The following OIT3 variants were observed in gnomAD, a reference collection of about 807,000 sequenced individuals.
OIT3 encodes oncoprotein induced transcript 3.
Under a neutral mutation model 52.2 loss-of-function variants are expected in OIT3, and 41 were observed. That is an observed-to-expected ratio of 0.79 (90% CI 0.61 to 1.02). The LOEUF is 1.02. Among genes scored for constraint, OIT3 ranks in the 50% least tolerant of loss-of-function variants. OIT3 has a pLI of 0.00. For synonymous variants in OIT3, 244 were observed against 276.9 expected (o/e 0.88, Z 1.18); for missense variants, 634 against 715.5 (o/e 0.89, Z 1.30).
chr10:72,920,494 G>A (rs894911626), intron 6 of OIT3, among the ~76,000 whole-genome samples: 1 of 152,002 alleles, frequency 6.6e-6, no homozygotes, highest in Non-Finnish European at 1.5e-5. Context: ...GTTTGCTCTT[G>A]GTTCTCTAGT....
intron 6 of OIT3, chr10:72,918,045 TC>T: frequency 1.2e-6 from 1 of 860,314 alleles, no homozygotes; most frequent in Non-Finnish European, 2.0e-6. Flanking sequence ...ATCATCATCA[TC>T]ATCTTCCTCA....
chr10:72,930,467 T>C lies in OIT3; in HGVS notation c.1368-71T>C. On this transcript the variant is annotated intron_variant, in intron 7 of 8. Transcript: ENST00000334011. ...CCCTTTGGCTCTCCTTGGGCCAAAATGTTGGGTTAGATTGTTTTTCCACCT... is the reference window on the plus strand; with the variant it reads ...CCCTTTGGCTCTCCTTGGGCCAAAACGTTGGGTTAGATTGTTTTTCCACCT... 3 of 1,175,248 alleles carry C rather than the reference T, an allele frequency of 2.6e-6. No individual in the cohort carries two copies. The South Asian group carries it at 3.7e-5, about 15-fold the overall frequency. The allele number at this position is 1,175,248 out of a possible 1,614,324, so 72.8% of individuals were successfully genotyped here.
intron 7 of OIT3, 77 bp from the exon 8 acceptor site, chr10:72,930,461 C>T (rs1377462519): frequency 4.4e-6 from 5 of 1,127,378 alleles, no homozygotes; most frequent in Non-Finnish European, 5.4e-6. Flanking sequence ...TCTCCTTGGG[C>T]CAAAATGTTG....
chr10:72,899,742 TAGATA>T (rs1457651143), intron 2 of OIT3, among the ~76,000 whole-genome samples: 8 of 150,760 alleles, frequency 5.3e-5, no homozygotes, highest in Non-Finnish European at 1.0e-4. Context: ...GATAGATAGA[TAGATA>T]GATAGATAGA....
intron 6 of OIT3, 110 bp from the exon 7 acceptor site, chr10:72,924,119 T>C: frequency 1.0e-6 from 1 of 963,286 alleles, no homozygotes; most frequent in Non-Finnish European, 1.5e-6. Flanking sequence ...GGCAACCAAA[T>C]CTCTAATGTG....
Position 72,932,588 on chromosome 10 carries a change from C to A in OIT3, c.*64C>A, listed in dbSNP as rs112012846. The A allele has an allele frequency of 2.8e-6, 4 of 1,443,510 alleles. No homozygotes were observed. Among genetic ancestry groups the A allele is most frequent in the African/African-American group, 1.4e-5 (1 of 70,378 alleles). 89.4% of individuals were successfully genotyped at this position (1,443,510 alleles called of 1,614,324 possible). A position where few individuals can be genotyped will look rare whatever the true frequency, so the allele number is the denominator to read the frequency against. On this transcript the variant is annotated 3_prime_UTR_variant, in exon 9 of 9. Transcript: ENST00000334011. The stretch of plus-strand genomic sequence containing the variant: ...TGCTCTTTGGAGCTTCTCCCCCCAC[C>A]GCCCTCTAAGAACATCTGCCAACAG...
chr10:72,924,746 C>T, intron 7 of OIT3, 102 bp downstream of exon 7: 2 of 954,338 alleles, frequency 2.1e-6, no homozygotes, highest in South Asian at 3.5e-5. Flanking sequence ...GTACCACTGT[C>T]AGCAATTTAT....
rs191510745 is a variant in OIT3 at position 72,897,036 on chromosome 10, A to G, written c.62-1628A>G. On this transcript the variant is annotated intron_variant, in intron 1 of 8. Coordinates refer to ENST00000334011, the MANE Select transcript of OIT3 (RefSeq NM_152635.3). ...TATTTATTTATTTGTTTGTTTGTTT[A>G]TTTATGAGACGAAGTTTCACTCTCT... Among the ~76,000 whole-genome samples, 117 of 152,134 alleles carry G rather than the reference A, an allele frequency of 7.7e-4. 2 individuals are homozygous for G. In the Middle Eastern group the frequency reaches 0.014, roughly 18 times the overall value.
intron 3 of OIT3, among the ~76,000 whole-genome samples, chr10:72,905,336 T>A (rs1845968916): frequency 6.6e-6 from 1 of 152,154 alleles, no homozygotes; most frequent in South Asian, 2.1e-4. Context: ...CTGGGCGTGG[T>A]GGTGCGTGCC....
In OIT3 at chr10:72,924,520, TC is replaced by T. The variant is rs748554624; in HGVS notation, c.1246del (p.Leu416SerfsTer11). 9 of 1,614,040 alleles carry T rather than the reference TC, an allele frequency of 5.6e-6. No individual in the cohort carries two copies. Among genetic ancestry groups the T allele is most frequent in the Non-Finnish European group, 6.8e-6 (8 of 1,180,038 alleles). The stretch of plus-strand genomic sequence containing the variant: ...TCTGCCCACCCTCAAGCTTCGTGAC[TC>T]CCTCTACTTTGGCATTGAGCCCGTG... ...EALPTLKLRDSLYFGIEPVVH... is the reference protein window; with the variant it reads ...EALPTLKLRDXLYFGIEPVVH... On this transcript the variant is annotated frameshift_variant, in exon 7 of 9. Coordinates refer to ENST00000334011, the MANE Select transcript of OIT3 (RefSeq NM_152635.3). LOFTEE classifies it high-confidence loss of function.
chr10:72,914,237 T>A (rs898602991), intron 6 of OIT3, among the ~76,000 whole-genome samples: 1 of 151,686 alleles, frequency 6.6e-6, no homozygotes, highest in Non-Finnish European at 1.5e-5. Flanking sequence ...GAAAAGTAGG[T>A]GGGGTGGGCT....
chr10:72,910,225 C>A (rs530336330), intron 4 of OIT3, among the ~76,000 whole-genome samples: 1 of 152,178 alleles, frequency 6.6e-6, no homozygotes, highest in East Asian at 1.9e-4. Flanking sequence ...AGGAAGGTAA[C>A]TTTTAAGGAA....
intron 5 of OIT3, among the ~76,000 whole-genome samples, chr10:72,912,425 C>T (rs558446863): frequency 2.2e-3 from 336 of 152,040 alleles, no homozygotes; most frequent in African/African-American, 7.3e-3. Flanking sequence ...CGTGTGCCAC[C>T]ATGCCTGGCT....
At chr10:72,902,373 A>C (rs1044878703) in intron 3 of OIT3, among the ~76,000 whole-genome samples, 1 of 152,180 alleles carries the variant, frequency 6.6e-6, no homozygotes, top group Non-Finnish European at 1.5e-5. Flanking sequence ...ATTAAACAAC[A>C]TGAAAAAGTA....
At chr10:72,909,691 A>G (rs765153259) in intron 4 of OIT3, among the ~76,000 whole-genome samples, 3 of 152,038 alleles carry the variant, frequency 2.0e-5, no homozygotes, top group Non-Finnish European at 4.4e-5. Flanking sequence ...TCTGCCTCCC[A>G]GGTCAAGCGA....
At chr10:72,923,048 G>C (rs561118881) in intron 6 of OIT3, among the ~76,000 whole-genome samples, 1 of 152,150 alleles carries the variant, frequency 6.6e-6, no homozygotes, top group East Asian at 1.9e-4. Context: ...GCTAATTTTT[G>C]TGTATTTTTT....
At chr10:72,920,085 T>C (rs1185469945) in intron 6 of OIT3, among the ~76,000 whole-genome samples, 1 of 152,170 alleles carries the variant, frequency 6.6e-6, no homozygotes, top group Admixed American at 6.5e-5. Context: ...CCTGGGCTTT[T>C]TTTTGGTTGT....
intron 6 of OIT3, among the ~76,000 whole-genome samples, chr10:72,921,306 T>C (rs940454526): frequency 2.0e-5 from 3 of 152,360 alleles, no homozygotes; most frequent in African/African-American, 4.8e-5. Context: ...TTTGAGCCTA[T>C]GTGTATTTTT....
chr10:72,930,606 C>T lies in OIT3; in HGVS notation c.1436C>T (p.Pro479Leu), dbSNP rs975099889. The change falls in exon 8 of 9, where the codon CCT becomes CTT. Residue 479 changes from proline (P) to leucine (L), a missense_variant. Coordinates refer to ENST00000334011, the MANE Select transcript of OIT3 (RefSeq NM_152635.3). ...RDHLAKHFQVPVFKFVGKDHK... is the reference protein window; with the variant it reads ...RDHLAKHFQVLVFKFVGKDHK... ...CACCTAGCAAAGCACTTCCAGGTCC[C>T]TGTCTTCAAGTTTGTGGGCAAAGAC... 2 of 1,613,326 alleles carry T rather than the reference C, an allele frequency of 1.2e-6. No individual in the cohort carries two copies. The highest frequency in any genetic ancestry group is 1.7e-6 in the Non-Finnish European group (2 of 1,179,640).
Sources: gnomAD v4.1 joint callset for allele counts (sites outside exome capture counted in the v4.1 genomes callset) on GRCh38, gnomAD v4.1.1 for gene constraint, MANE v1.5 for transcripts, NCBI Gene and HGNC (gene_info 2026-07-23, HGNC 2026-07-21) for gene names.